The following CHRNA7 variants were observed in gnomAD, a reference collection of about 807,000 sequenced individuals.
The protein encoded by CHRNA7 is neuronal acetylcholine receptor subunit alpha-7.
Under a neutral mutation model 48.0 loss-of-function variants are expected in CHRNA7, and 17 were observed. That is an observed-to-expected ratio of 0.35 (90% CI 0.24 to 0.53). The LOEUF is 0.53. Ranked by LOEUF, CHRNA7 falls within the 20% of genes least tolerant of loss-of-function variation. The pLI is 0.92. For synonymous variants in CHRNA7, 75 were observed against 242.3 expected (o/e 0.31, Z 6.41); for missense variants, 155 against 577.7 (o/e 0.27, Z 7.50).
chr15:32,051,603 G>C (rs1405561256), intron 2 of CHRNA7, among the ~76,000 whole-genome samples: 1 of 152,014 alleles, frequency 6.6e-6, no homozygotes, highest in Non-Finnish European at 1.5e-5. Flanking sequence ...TGCACTTCCC[G>C]AGTGAGGCAA....
At chr15:32,082,083 T>G (rs1409704604) in intron 2 of CHRNA7, among the ~76,000 whole-genome samples, 1 of 152,292 alleles carries the variant, frequency 6.6e-6, no homozygotes, top group Non-Finnish European at 1.5e-5. Context: ...ATTTGAATTG[T>G]TTTTGCAGTA....
chr15:32,128,864 A>G lies in CHRNA7; in HGVS notation c.350+16965A>G, dbSNP rs569259082. Among the ~76,000 whole-genome samples, 95 of 152,052 alleles carry G rather than the reference A, an allele frequency of 6.2e-4. 1 individual carries two copies. Among genetic ancestry groups the G allele is most frequent in the Middle Eastern group, 3.4e-3 (1 of 294 alleles). On this transcript the variant is annotated intron_variant, in intron 4 of 9. Coordinates refer to ENST00000306901, the MANE Select transcript of CHRNA7 (RefSeq NM_000746.6). ...TTATGGCGAAAGCATCCAGTCTTTCACTATTAAGTATGATGCTAGCTGTAG... is the reference window on the plus strand; with the variant it reads ...TTATGGCGAAAGCATCCAGTCTTTCGCTATTAAGTATGATGCTAGCTGTAG...
intron 2 of CHRNA7, among the ~76,000 whole-genome samples, chr15:32,054,611 A>G (rs2049753036): frequency 6.6e-6 from 1 of 152,178 alleles, no homozygotes; most frequent in Non-Finnish European, 1.5e-5. Flanking sequence ...TTCAAACACC[A>G]AAGTCTAGTT....
chr15:32,078,022 A>T (rs1352874887), intron 2 of CHRNA7, among the ~76,000 whole-genome samples: 1 of 152,172 alleles, frequency 6.6e-6, no homozygotes, highest in Non-Finnish European at 1.5e-5. Context: ...ATTTGGAGGG[A>T]TCAGACAAAC....
chr15:32,108,913 G>A (rs535709222), intron 3 of CHRNA7, among the ~76,000 whole-genome samples: 30 of 152,292 alleles, frequency 2.0e-4, no homozygotes, highest in African/African-American at 7.2e-4. Flanking sequence ...CACGCCGCTA[G>A]TCTCTGCCAG....
intron 2 of CHRNA7, among the ~76,000 whole-genome samples, chr15:32,077,717 T>TG (rs934555792): frequency 1.3e-5 from 2 of 152,158 alleles, no homozygotes; most frequent in African/African-American, 4.8e-5. Context: ...TGTGGAAGTA[T>TG]GGCACCATCA....
intron 4 of CHRNA7, among the ~76,000 whole-genome samples, chr15:32,131,787 A>G (rs1308275203): frequency 6.6e-6 from 1 of 152,162 alleles, no homozygotes; most frequent in African/African-American, 2.4e-5. Context: ...TGAGACTCCA[A>G]GTCTTATTTC....
chr15:32,077,979 C>G (rs2050160141), intron 2 of CHRNA7, among the ~76,000 whole-genome samples: 1 of 152,158 alleles, frequency 6.6e-6, no homozygotes, highest in Non-Finnish European at 1.5e-5. Flanking sequence ...TTAGGTGCCA[C>G]CTCCAGTGTT....
intron 2 of CHRNA7, among the ~76,000 whole-genome samples, chr15:32,064,787 C>T (rs1469358671): frequency 6.6e-6 from 1 of 152,122 alleles, no homozygotes; most frequent in Non-Finnish European, 1.5e-5. Flanking sequence ...TGTCAGTATG[C>T]ATCTGTGCTC....
Position 32,112,096 on chromosome 15 carries a change from T to A in CHRNA7, c.350+197T>A, listed in dbSNP as rs539097141. ...TAAGCCAGCATTCCCTGGTTTGGCA[T>A]GCACACGTGCACACGCTGGCTAGCC... On this transcript the variant is annotated intron_variant, in intron 4 of 9. Transcript: ENST00000306901. The A allele has an allele frequency of 3.0e-5, 19 of 628,690 alleles. No individual in the cohort carries two copies. The South Asian group carries it at 3.2e-4, about 11-fold the overall frequency. The allele number at this position is 628,690 out of a possible 1,614,324, so 38.9% of individuals were successfully genotyped here.
In CHRNA7 at chr15:32,076,398, G is replaced by A. The variant is rs181426690; in HGVS notation, c.196-24905G>A. Among the ~76,000 whole-genome samples the A allele has an allele frequency of 3.6e-3, 547 of 152,208 alleles. 3 individuals carry two copies. The highest frequency in any genetic ancestry group is 0.012 in the African/African-American group (507 of 41,566). Reference sequence around the variant, plus strand: ...TTCTTGGCAGATTGGCCTGTTTATCGTCAGATATTGTCTCTCCCTATCTAT... The same window carrying A: ...TTCTTGGCAGATTGGCCTGTTTATCATCAGATATTGTCTCTCCCTATCTAT... On this transcript the variant is annotated intron_variant, in intron 2 of 9. Coordinates refer to ENST00000306901, the MANE Select transcript of CHRNA7 (RefSeq NM_000746.6).
chr15:32,054,550 C>T (rs2049751866), intron 2 of CHRNA7, among the ~76,000 whole-genome samples: 1 of 152,186 alleles, frequency 6.6e-6, no homozygotes, highest in South Asian at 2.1e-4. Flanking sequence ...GTTAAGCTGT[C>T]ACCACCCAAT....
chr15:32,096,842 C>G (rs1271681141), intron 2 of CHRNA7, among the ~76,000 whole-genome samples: 5 of 152,200 alleles, frequency 3.3e-5, no homozygotes, highest in Non-Finnish European at 7.3e-5. Context: ...AGCATGCTCT[C>G]AACTGAAGAG....
intron 4 of CHRNA7, among the ~76,000 whole-genome samples, chr15:32,115,488 C>G (rs1312949942): frequency 6.6e-6 from 1 of 152,034 alleles, no homozygotes; most frequent in African/African-American, 2.4e-5. Flanking sequence ...TGCTGACCAG[C>G]CTATCCCTAC....
At chr15:32,101,499 C>A in intron 3 of CHRNA7, 152 bp downstream of exon 3, 1 of 731,100 alleles carries the variant, frequency 1.4e-6, no homozygotes, top group Non-Finnish European at 2.3e-6. Flanking sequence ...ACCAACTCCA[C>A]ACCTGCCAAC....
In CHRNA7 at chr15:32,055,728, C is replaced by T. The variant is rs1450454101; in HGVS notation, c.195+24691C>T. Among the ~76,000 whole-genome samples the T allele has an allele frequency of 2.0e-5, 3 of 152,100 alleles. No homozygotes were observed. In the East Asian group the frequency reaches 5.8e-4, roughly 29 times the overall value. On this transcript the variant is annotated intron_variant, in intron 2 of 9. Transcript: ENST00000306901. ...GGCGTGGTGGCTCATGCCTGTAATCCCAGCACTTTGGGAGGCCGAGGCGGG... is the reference window on the plus strand; with the variant it reads ...GGCGTGGTGGCTCATGCCTGTAATCTCAGCACTTTGGGAGGCCGAGGCGGG...
At chr15:32,140,112 C>T (rs2051351628) in intron 4 of CHRNA7, among the ~76,000 whole-genome samples, 1 of 150,264 alleles carries the variant, frequency 6.7e-6, no homozygotes, top group Non-Finnish European at 1.5e-5. Context: ...GTGATGTTCC[C>T]TGCCCTGTGT....
chr15:32,050,609 G>T (rs2049650998), intron 2 of CHRNA7, among the ~76,000 whole-genome samples: 1 of 152,092 alleles, frequency 6.6e-6, no homozygotes, highest in African/African-American at 2.4e-5. Flanking sequence ...CTGTAGCTCG[G>T]AGTAGTTTGG....
chr15:32,057,980 GT>G (rs1402921275), intron 2 of CHRNA7, among the ~76,000 whole-genome samples: 2 of 152,176 alleles, frequency 1.3e-5, no homozygotes, highest in African/African-American at 4.8e-5. Context: ...AGGCTTCCCT[GT>G]TCTTTATATT....
Sources: gnomAD v4.1 joint callset for allele counts (sites outside exome capture counted in the v4.1 genomes callset) on GRCh38, gnomAD v4.1.1 for gene constraint, MANE v1.5 for transcripts, NCBI Gene and HGNC (gene_info 2026-07-23, HGNC 2026-07-21) for gene names.